PPFIA2: variants seen among roughly 807,000 people sequenced by gnomAD.
PPFIA2 encodes PPFI scaffold protein A2.
PPFIA2 carries 46 observed loss-of-function variants against 175.5 expected under a neutral mutation model. That is an observed-to-expected ratio of 0.26 (90% CI 0.21 to 0.34). The LOEUF (loss-of-function observed/expected upper bound fraction) is 0.34, where lower values mean the gene tolerates loss of function less well. Ranked by LOEUF, PPFIA2 falls within the 10% of genes least tolerant of loss-of-function variation. PPFIA2 has a pLI of 1.00. For synonymous variants in PPFIA2, 568 were observed against 511.4 expected, an observed-to-expected ratio of 1.11 and a Z score of -1.49; for missense variants, 1,179 against 1,506.1, an observed-to-expected ratio of 0.78 and a Z score of 3.60.
intron 22 of PPFIA2, among the ~76,000 whole-genome samples, chr12:81,300,836 A>T (rs2047642224): frequency 6.6e-6 from 1 of 152,188 alleles, no homozygotes; most frequent in Non-Finnish European, 1.5e-5. Flanking sequence ...TGAAGGATCA[A>T]AAACAAATAA....
intron 3 of PPFIA2, among the ~76,000 whole-genome samples, chr12:81,739,571 C>T (rs973289460): frequency 6.6e-6 from 1 of 151,830 alleles, no homozygotes; most frequent in Non-Finnish European, 1.5e-5. Flanking sequence ...AATTCAATTA[C>T]CAATTTTTTA....
chr12:81,527,072 A>C (rs964620765), intron 4 of PPFIA2, among the ~76,000 whole-genome samples: 9 of 152,184 alleles, frequency 5.9e-5, no homozygotes, highest in African/African-American at 2.2e-4. Context: ...TGCAAAATCC[A>C]TGCCAATGAT....
chr12:81,569,828 G>T (rs1207132246), intron 4 of PPFIA2, among the ~76,000 whole-genome samples: 1 of 150,492 alleles, frequency 6.6e-6, no homozygotes, highest in Non-Finnish European at 1.5e-5. Flanking sequence ...TGCTATTATT[G>T]TTCCTTTTAC....
chr12:81,440,645 T>C (rs2050008457), intron 6 of PPFIA2, among the ~76,000 whole-genome samples: 1 of 151,946 alleles, frequency 6.6e-6, no homozygotes. Context: ...ATACCAAAGG[T>C]TAAACCATTG....
chr12:81,751,425 T>G (rs2083759376), intron 3 of PPFIA2, among the ~76,000 whole-genome samples: 1 of 151,740 alleles, frequency 6.6e-6, no homozygotes, highest in Non-Finnish European at 1.5e-5. Flanking sequence ...TTTTTTTTTT[T>G]TACCATGCAG....
intron 3 of PPFIA2, among the ~76,000 whole-genome samples, chr12:81,714,962 G>A (rs2078407815): frequency 6.6e-6 from 1 of 151,042 alleles, no homozygotes; most frequent in Non-Finnish European, 1.5e-5. Context: ...GGTAGTGGTA[G>A]AGGATTTGAT....
intron 4 of PPFIA2, among the ~76,000 whole-genome samples, chr12:81,467,695 C>A (rs1266056095): frequency 6.6e-6 from 1 of 152,166 alleles, no homozygotes; most frequent in African/African-American, 2.4e-5. Flanking sequence ...GCTCACACAC[C>A]TCTCAAGATG....
chr12:81,521,468 T>C (rs1362206860), intron 4 of PPFIA2, among the ~76,000 whole-genome samples: 2 of 152,136 alleles, frequency 1.3e-5, no homozygotes, highest in Admixed American at 6.5e-5. Flanking sequence ...GTAAGTGCAA[T>C]ATACTAACAT....
At chr12:81,432,207 C>A (rs185971263) in intron 7 of PPFIA2, among the ~76,000 whole-genome samples, 1 of 152,020 alleles carries the variant, frequency 6.6e-6, no homozygotes, top group African/African-American at 2.4e-5. Flanking sequence ...ATCTGTCTTC[C>A]GAACTTCATT....
At chr12:81,590,739 T>C (rs1185995221) in intron 4 of PPFIA2, among the ~76,000 whole-genome samples, 2 of 152,130 alleles carry the variant, frequency 1.3e-5, no homozygotes, top group Non-Finnish European at 2.9e-5. Context: ...CCTGCCACCA[T>C]CTATTTAAGA....
chr12:81,332,130 C>A (rs527976256), intron 21 of PPFIA2, among the ~76,000 whole-genome samples: 1 of 151,968 alleles, frequency 6.6e-6, no homozygotes, highest in East Asian at 1.9e-4. Context: ...ATCCTTAACT[C>A]TCACTTCTGC....
chr12:81,451,607 G>A (rs2052594867), intron 5 of PPFIA2, among the ~76,000 whole-genome samples: 2 of 151,972 alleles, frequency 1.3e-5, no homozygotes, highest in Admixed American at 6.6e-5. Context: ...TGTGCAATTA[G>A]GAACTCTCAT....
At chr12:81,283,816 C>T (rs992538622) in intron 25 of PPFIA2, among the ~76,000 whole-genome samples, 1 of 151,818 alleles carries the variant, frequency 6.6e-6, no homozygotes, top group East Asian at 1.9e-4. Flanking sequence ...TTTTTTTGGT[C>T]AAGCTTGTAT....
chr12:81,715,239 G>A (rs913628230), intron 3 of PPFIA2, among the ~76,000 whole-genome samples: 1 of 147,032 alleles, frequency 6.8e-6, no homozygotes, highest in Non-Finnish European at 1.5e-5. Flanking sequence ...TTGTACATTT[G>A]GTAAGACTGT....
chr12:81,677,248 C>T (rs2072714368), intron 3 of PPFIA2, among the ~76,000 whole-genome samples: 1 of 151,654 alleles, frequency 6.6e-6, no homozygotes, highest in African/African-American at 2.4e-5. Flanking sequence ...AATAGTTGTA[C>T]ATATTTATGA....
At chr12:81,449,014 A>G (rs569544295) in intron 5 of PPFIA2, among the ~76,000 whole-genome samples, 1 of 152,180 alleles carries the variant, frequency 6.6e-6, no homozygotes, top group Non-Finnish European at 1.5e-5. Flanking sequence ...CTTGAATATT[A>G]CCTCTGAGCT....
At chr12:81,454,146 G>A (rs1305160589) in intron 5 of PPFIA2, among the ~76,000 whole-genome samples, 2 of 152,024 alleles carry the variant, frequency 1.3e-5, no homozygotes, top group Non-Finnish European at 2.9e-5. Flanking sequence ...CTGAGTCCAG[G>A]GAACTCTAGG....
At chr12:81,316,848 T>C (rs1342536098) in intron 22 of PPFIA2, among the ~76,000 whole-genome samples, 1 of 151,588 alleles carries the variant, frequency 6.6e-6, no homozygotes, top group Non-Finnish European at 1.5e-5. Context: ...CTAAGTGCAG[T>C]TGAGATTGGA....
chr12:81,676,745 C>T (rs771921235), intron 4 of PPFIA2, 46 bp downstream of exon 4: 2 of 1,402,490 alleles, frequency 1.4e-6, no homozygotes, highest in South Asian at 1.4e-5. Context: ...GGTGTGTACA[C>T]AATTCAATTC....
Sources: allele counts gnomAD v4.1 joint callset (sites outside exome capture counted in the v4.1 genomes callset), GRCh38; gene constraint gnomAD v4.1.1; transcripts MANE v1.5; gene names NCBI Gene and HGNC (gene_info 2026-07-23, HGNC 2026-07-21).